RSRC1: variants seen among roughly 807,000 people sequenced by gnomAD.
RSRC1 encodes arginine and serine rich coiled-coil 1, also known as serine/Arginine-related protein 53.
Under a neutral mutation model 49.1 loss-of-function variants are expected in RSRC1, and 39 were observed. The observed-to-expected ratio is 0.79, with a 90% CI of 0.61 to 1.04. The LOEUF is 1.04. Ranked by LOEUF, RSRC1 falls within the 50% of genes least tolerant of loss-of-function variation. The pLI, the probability that RSRC1 is intolerant of heterozygous loss-of-function variation, is 0.00. For missense variants in RSRC1, 388 were observed against 402.4 expected (o/e 0.96, Z 0.31); for synonymous variants, 143 against 130.8 (o/e 1.09, Z -0.63).
At chr3:158,471,825 A>G (rs1738145726) in intron 7 of RSRC1, among the ~76,000 whole-genome samples, 1 of 152,160 alleles carries the variant, frequency 6.6e-6, no homozygotes, top group Non-Finnish European at 1.5e-5. Context: ...TATCCAACCA[A>G]CGTAGACATT....
chr3:158,504,475 T>A (rs1739762220), intron 7 of RSRC1, among the ~76,000 whole-genome samples: 1 of 152,182 alleles, frequency 6.6e-6, no homozygotes, highest in Non-Finnish European at 1.5e-5. Context: ...CAGTGAAAAT[T>A]TGTTAAGAGT....
At chr3:158,334,162 G>C (rs1032873078) in intron 5 of RSRC1, among the ~76,000 whole-genome samples, 32 of 151,928 alleles carry the variant, frequency 2.1e-4, no homozygotes, top group African/African-American at 7.7e-4. Context: ...ACTAAAGCAG[G>C]GTTTAAAACT....
intron 7 of RSRC1, among the ~76,000 whole-genome samples, chr3:158,476,639 A>G (rs536031577): frequency 6.6e-6 from 1 of 152,296 alleles, no homozygotes; most frequent in African/African-American, 2.4e-5. Flanking sequence ...TTTAAAGCCC[A>G]CTGTTGAGGC....
chr3:158,349,345 T>C (rs1367554321), intron 5 of RSRC1, among the ~76,000 whole-genome samples: 1 of 152,172 alleles, frequency 6.6e-6, no homozygotes, highest in African/African-American at 2.4e-5. Flanking sequence ...AGCATTTTTT[T>C]CATGTGTTTG....
intron 6 of RSRC1, among the ~76,000 whole-genome samples, chr3:158,418,551 G>A (rs1018218135): frequency 9.2e-5 from 14 of 151,874 alleles, no homozygotes; most frequent in African/African-American, 3.4e-4. Flanking sequence ...CAGATAATAG[G>A]TTGACATTCT....
chr3:158,323,509 A>C (rs977576897), intron 5 of RSRC1, among the ~76,000 whole-genome samples: 25 of 152,166 alleles, frequency 1.6e-4, no homozygotes, highest in African/African-American at 6.0e-4. Flanking sequence ...GTGTGTGAAG[A>C]GTTTTTAATC....
chr3:158,411,342 T>C (rs1444279790), intron 6 of RSRC1, among the ~76,000 whole-genome samples: 1 of 152,142 alleles, frequency 6.6e-6, no homozygotes, highest in Non-Finnish European at 1.5e-5. Flanking sequence ...TTGTAGAGTA[T>C]GTATAATTTT....
chr3:158,213,341 G>A (rs976621674), intron 4 of RSRC1, among the ~76,000 whole-genome samples: 12 of 151,830 alleles, frequency 7.9e-5, no homozygotes, highest in Admixed American at 2.0e-4. Flanking sequence ...ACATATCTTA[G>A]ATTTCAAGGC....
At chr3:158,422,128 G>C (rs1560035252) in intron 6 of RSRC1, among the ~76,000 whole-genome samples, 1 of 150,962 alleles carries the variant, frequency 6.6e-6, no homozygotes, top group Non-Finnish European at 1.5e-5. Flanking sequence ...ACAATGTGCA[G>C]GTTAGTTACA....
intron 3 of RSRC1, among the ~76,000 whole-genome samples, chr3:158,190,030 A>G (rs913832483): frequency 3.3e-5 from 5 of 151,832 alleles, no homozygotes; most frequent in African/African-American, 7.3e-5. Context: ...TACATGGCCA[A>G]TGGGATGTAA....
intron 6 of RSRC1, among the ~76,000 whole-genome samples, chr3:158,405,294 C>T (rs1734101891): frequency 6.6e-6 from 1 of 152,062 alleles, no homozygotes; most frequent in Non-Finnish European, 1.5e-5. Context: ...AAATGTTATA[C>T]TGCAATGATA....
chr3:158,448,521 AC>A (rs1327435832), intron 6 of RSRC1, among the ~76,000 whole-genome samples: 1 of 151,874 alleles, frequency 6.6e-6, no homozygotes, highest in East Asian at 1.9e-4. Context: ...TCAGCTATTC[AC>A]TTTTTATCTC....
intron 3 of RSRC1, among the ~76,000 whole-genome samples, chr3:158,152,254 G>A (rs1268035142): frequency 6.6e-6 from 1 of 152,082 alleles, no homozygotes; most frequent in Non-Finnish European, 1.5e-5. Flanking sequence ...TGAGCTCCTT[G>A]AGGACAGTGT....
intron 7 of RSRC1, among the ~76,000 whole-genome samples, chr3:158,468,918 GTATCCAAATAACAAGGAAAATA>G (rs1192800343): frequency 9.2e-5 from 14 of 152,236 alleles, no homozygotes; most frequent in African/African-American, 3.4e-4. Flanking sequence ...TGATAAGTTT[GTATCCAAATAACAAGGAAAATA>G]TATAGACGAA....
chr3:158,178,810 CTGTT>C (rs1338947825), intron 3 of RSRC1, among the ~76,000 whole-genome samples: 2 of 152,018 alleles, frequency 1.3e-5, no homozygotes, highest in East Asian at 1.9e-4. Context: ...CAGTTTGCTT[CTGTT>C]TGTTTCAGGG....
intron 7 of RSRC1, among the ~76,000 whole-genome samples, chr3:158,519,259 G>C (rs1711532121): frequency 6.6e-6 from 1 of 151,862 alleles, no homozygotes; most frequent in African/African-American, 2.4e-5. Context: ...ACCATTTCTT[G>C]CCCGGACTTC....
chr3:158,328,255 G>A (rs918998667), intron 5 of RSRC1, among the ~76,000 whole-genome samples: 4 of 152,180 alleles, frequency 2.6e-5, no homozygotes, highest in Non-Finnish European at 5.9e-5. Context: ...ATTGTTATGT[G>A]TGAATTTGAT....
chr3:158,544,064 A>G (rs1713190829), intron 9 of RSRC1, 119 bp from the exon 10 acceptor site: 3 of 666,002 alleles, frequency 4.5e-6, no homozygotes, highest in Non-Finnish European at 7.8e-6. Context: ...TCAAGAGTTA[A>G]ACAGTATCCA....
intron 5 of RSRC1, among the ~76,000 whole-genome samples, chr3:158,352,841 A>G (rs1730948889): frequency 6.6e-6 from 1 of 152,156 alleles, no homozygotes; most frequent in African/African-American, 2.4e-5. Context: ...TTCTGATACT[A>G]ATGTCAAATG....
Sources: gnomAD v4.1 joint callset for allele counts (sites outside exome capture counted in the v4.1 genomes callset) on GRCh38, gnomAD v4.1.1 for gene constraint, MANE v1.5 for transcripts, NCBI Gene and HGNC (gene_info 2026-07-23, HGNC 2026-07-21) for gene names.